Variants in FANK1 observed in about 807,000 individuals in gnomAD.
The protein encoded by FANK1 is fibronectin type III and ankyrin repeat domains 1, also known as fibronectin type 3 and ankyrin repeat domains protein 1.
FANK1 carries 44 observed loss-of-function variants against 45.3 expected under a neutral mutation model. That is an observed-to-expected ratio of 0.97 (90% CI 0.76 to 1.25). The LOEUF (loss-of-function observed/expected upper bound fraction) is 1.25, where lower values mean the gene tolerates loss of function less well. Among genes scored for constraint, FANK1 ranks in the 50% most tolerant of loss-of-function variants. FANK1 has a pLI of 0.00. For synonymous variants in FANK1, 149 were observed against 152.5 expected (o/e 0.98, Z 0.17); for missense variants, 391 against 424.4 (o/e 0.92, Z 0.69).
rs556578070 is a variant in FANK1 at position 125,988,464 on chromosome 10, C to T, written c.192-87C>T. 8.6e-5 allele frequency: 131 copies of T among 1,521,206 alleles called. 1 individual carries two copies. The African/African-American group carries it at 1.8e-3, about 20-fold the overall frequency. 94.2% of individuals were successfully genotyped at this position (1,521,206 alleles called of 1,614,324 possible). A position where few individuals can be genotyped will look rare whatever the true frequency, so the allele number is the denominator to read the frequency against. On this transcript the variant is annotated intron_variant, in intron 2 of 10. Transcript: ENST00000368693. Reference sequence around the variant, plus strand: ...TGTGTCCTGGAAATAGAAGGAAAATCACTTCCACCTGCTCTTCTGCTGTCT... The same window carrying T: ...TGTGTCCTGGAAATAGAAGGAAAATTACTTCCACCTGCTCTTCTGCTGTCT...
At chr10:125,973,775 C>CT (rs1178777461) in intron 1 of FANK1, 1 of 148,904 alleles carries the variant, frequency 6.7e-6, no homozygotes, top group Non-Finnish European at 1.5e-5. Flanking sequence ...CTGGTAAGAC[C>CT]CCCCTCCTGC....
At chr10:125,931,016 C>T (rs886988170) in intron 1 of FANK1, among the ~76,000 whole-genome samples, 1 of 152,212 alleles carries the variant, frequency 6.6e-6, no homozygotes, top group Non-Finnish European at 1.5e-5. Flanking sequence ...AGTCTCCAAT[C>T]TCATCCAGGT....
At position 125,912,121 on chromosome 10, in the gene FANK1, C is replaced by T. The variant is rs138788285; in HGVS notation, c.13+15466C>T. Among the ~76,000 whole-genome samples, 61 of 152,310 alleles carry T rather than the reference C, an allele frequency of 4.0e-4. No individual in the cohort carries two copies. In the East Asian group the frequency reaches 7.7e-3, roughly 19 times the overall value. On this transcript the variant is annotated intron_variant, in intron 1 of 10. Transcript: ENST00000368693. ...TTGATGTTGACTGGTTGACATAAGG[C>T]GGGATCAACAAACACACAGCACGTG...
At chr10:125,961,896 A>G (rs1215473364) in intron 1 of FANK1, among the ~76,000 whole-genome samples, 1 of 152,216 alleles carries the variant, frequency 6.6e-6, no homozygotes, top group Non-Finnish European at 1.5e-5. Flanking sequence ...GTGAGCTACT[A>G]TCAAACTACT....
At chr10:125,991,358 A>C (rs138965130) in intron 3 of FANK1, among the ~76,000 whole-genome samples, 2 of 152,054 alleles carry the variant, frequency 1.3e-5, no homozygotes, top group African/African-American at 4.8e-5. Flanking sequence ...TCTCAACCTC[A>C]GGGGGGCTGT....
intron 1 of FANK1, among the ~76,000 whole-genome samples, chr10:125,912,968 A>G (rs1418607275): frequency 6.6e-6 from 1 of 152,262 alleles, no homozygotes; most frequent in African/African-American, 2.4e-5. Context: ...CAGTGTTAGC[A>G]TATACATTCA....
At chr10:125,972,131 G>C (rs1370612239) in intron 1 of FANK1, 1 of 152,106 alleles carries the variant, frequency 6.6e-6, no homozygotes, top group Non-Finnish European at 1.5e-5. Context: ...ATATAGAGTT[G>C]GTGAAGTTAA....
rs1953371611 is a variant in FANK1 at position 126,008,115 on chromosome 10, T to C, written c.706-292T>C. Among the ~76,000 whole-genome samples, 5 of 152,308 alleles carry C rather than the reference T, an allele frequency of 3.3e-5. No individual in the cohort carries two copies. In the South Asian group the frequency reaches 8.3e-4, roughly 25 times the overall value. On this transcript the variant is annotated intron_variant, in intron 7 of 10. Transcript: ENST00000368693. ...AAAATGAATGCTAGGTGAGGAAAGT[T>C]AGGCAAGAGAAAATAAGAACTCCCC...
intron 1 of FANK1, among the ~76,000 whole-genome samples, chr10:125,959,792 A>AT (rs913839504): frequency 6.6e-6 from 1 of 152,230 alleles, no homozygotes; most frequent in Non-Finnish European, 1.5e-5. Flanking sequence ...CAAATATTCA[A>AT]TTTTTTAAAT....
At chr10:125,907,477 A>G (rs747904524) in intron 1 of FANK1, 47 of 985,192 alleles carry the variant, frequency 4.8e-5, no homozygotes, top group Non-Finnish European at 5.5e-5. Flanking sequence ...ATCACTGCTC[A>G]GCCTTTTGGA....
chr10:125,913,671 G>A (rs1344973203), intron 1 of FANK1, among the ~76,000 whole-genome samples: 2 of 152,212 alleles, frequency 1.3e-5, no homozygotes, highest in African/African-American at 2.4e-5. Flanking sequence ...CAGCATGGAT[G>A]GGTATTGGAA....
At chr10:125,914,284 T>TATATATATATATATAG (rs1946269962) in intron 1 of FANK1, among the ~76,000 whole-genome samples, 1 of 150,608 alleles carries the variant, frequency 6.6e-6, no homozygotes, top group Non-Finnish European at 1.5e-5. Context: ...GTATGCCATA[T>TATATATATATATATAG]ATATATATTT....
chr10:125,923,874 C>T (rs1386207370), intron 1 of FANK1, among the ~76,000 whole-genome samples: 1 of 152,214 alleles, frequency 6.6e-6, no homozygotes, highest in African/African-American at 2.4e-5. Flanking sequence ...GTAGTACAGT[C>T]CTCCTGTGCA....
At position 125,963,649 on chromosome 10, in the gene FANK1, A is replaced by G. The variant is rs368961922; in HGVS notation, c.14-16512A>G. 7.2e-5 allele frequency among the ~76,000 whole-genome samples: 11 copies of G among 152,302 alleles called. No individual in the cohort carries two copies. In the East Asian group the frequency reaches 1.4e-3, roughly 19 times the overall value. Reference sequence around the variant, plus strand: ...TCAGCAAACTATCGCAAGGACAAAAAACCAAACACCACATGTTCTCACTCA... The same window carrying G: ...TCAGCAAACTATCGCAAGGACAAAAGACCAAACACCACATGTTCTCACTCA... On this transcript the variant is annotated intron_variant, in intron 1 of 10. Transcript: ENST00000368693.
Position 125,956,206 on chromosome 10 carries a change from G to GGT in FANK1, c.14-23954_14-23953insTG, listed in dbSNP as rs1554930999. 2.8e-5 allele frequency among the ~76,000 whole-genome samples: 4 copies of GGT among 145,376 alleles called. No individual in the cohort carries two copies. The East Asian group carries it at 8.8e-4, about 32-fold the overall frequency. On this transcript the variant is annotated intron_variant, in intron 1 of 10. Coordinates refer to ENST00000368693, the MANE Select transcript of FANK1 (RefSeq NM_145235.5). Reference sequence around the variant, plus strand: ...GTACTTCTATGATACATTTTTTGGGGGGGGGGCGGTGGTGGGGGTAAAGGG... The same window carrying GGT: ...GTACTTCTATGATACATTTTTTGGGGGTGGGGGGCGGTGGTGGGGGTAAAGGG...
chr10:125,958,434 G>A (rs561389613), intron 1 of FANK1, among the ~76,000 whole-genome samples: 1 of 152,082 alleles, frequency 6.6e-6, no homozygotes, highest in African/African-American at 2.4e-5. Context: ...ACGGGGTTTC[G>A]CCATGTTGGC....
At chr10:126,002,985 C>G (rs1209064901) in intron 6 of FANK1, among the ~76,000 whole-genome samples, 1 of 152,116 alleles carries the variant, frequency 6.6e-6, no homozygotes, top group Admixed American at 6.5e-5. Flanking sequence ...CAAAGGTCTT[C>G]CACAGCTCTA....
intron 6 of FANK1, among the ~76,000 whole-genome samples, chr10:126,001,132 C>A (rs1952725184): frequency 6.6e-6 from 1 of 152,126 alleles, no homozygotes; most frequent in Non-Finnish European, 1.5e-5. Flanking sequence ...AGGAAATAAT[C>A]AGAAATGCAA....
At chr10:125,967,807 T>A (rs1288706747) in intron 1 of FANK1, among the ~76,000 whole-genome samples, 1 of 152,194 alleles carries the variant, frequency 6.6e-6, no homozygotes, top group Non-Finnish European at 1.5e-5. Context: ...GCACATACAA[T>A]GCAAAAACAT....
Sources: allele counts gnomAD v4.1 joint callset (sites outside exome capture counted in the v4.1 genomes callset), GRCh38; gene constraint gnomAD v4.1.1; transcripts MANE v1.5; gene names NCBI Gene and HGNC (gene_info 2026-07-23, HGNC 2026-07-21).